The following PPARGC1A variants were observed in gnomAD, a reference collection of about 807,000 sequenced individuals.
PPARGC1A encodes the protein PPARG coactivator 1 alpha, also known as peroxisome proliferator-activated receptor gamma coactivator 1-alpha.
A neutral mutation model predicts 88.7 loss-of-function variants in PPARGC1A; 25 were observed. The ratio of observed to expected loss-of-function variants is 0.28; its 90% CI spans 0.21 to 0.39. PPARGC1A has a LOEUF of 0.39. Ranked by LOEUF, PPARGC1A falls within the 10% of genes least tolerant of loss-of-function variation. PPARGC1A has a pLI of 1.00. For synonymous variants in PPARGC1A, 363 were observed against 355.6 expected, an observed-to-expected ratio of 1.02 and a Z score of -0.24; for missense variants, 880 against 968.7, an observed-to-expected ratio of 0.91 and a Z score of 1.22.
At chr4:23,894,967 G>A (rs1163640640), upstream of PPARGC1A, among the ~76,000 whole-genome samples, 1 of 151,898 alleles carries the variant, frequency 6.6e-6, no homozygotes, top group Admixed American at 6.6e-5. Context: ...GGATTATCTA[G>A]CAATTTTTTT....
the PPARGC1A span, among the ~76,000 whole-genome samples, chr4:24,229,743 G>T: frequency 6.6e-6 from 1 of 151,712 alleles, no homozygotes; most frequent in Non-Finnish European, 1.5e-5. Context: ...TACCTGGGAG[G>T]CTGAGACAGG....
the PPARGC1A span, among the ~76,000 whole-genome samples, chr4:24,386,903 T>C: frequency 1.3e-5 from 2 of 152,126 alleles, no homozygotes; most frequent in Non-Finnish European, 2.9e-5. Flanking sequence ...TTAAATTTCA[T>C]ATGGAACCAA....
At chr4:24,431,496 C>T in the PPARGC1A span, among the ~76,000 whole-genome samples, 1 of 152,146 alleles carries the variant, frequency 6.6e-6, no homozygotes, top group Non-Finnish European at 1.5e-5. Context: ...TCATTAAAGC[C>T]TCCAAGTGGA....
At chr4:24,292,603 C>T in the PPARGC1A span, among the ~76,000 whole-genome samples, 1 of 111,848 alleles carries the variant, frequency 8.9e-6, no homozygotes, top group Non-Finnish European at 1.9e-5. Context: ...TCCCTACCCC[C>T]TCACCCTCAC....
At chr4:24,183,351 C>A in the PPARGC1A span, among the ~76,000 whole-genome samples, 4 of 152,166 alleles carry the variant, frequency 2.6e-5, no homozygotes, top group Non-Finnish European at 5.9e-5. Context: ...ACTCTAGTTA[C>A]AAGCTTGTGA....
At chr4:24,324,209 C>G in the PPARGC1A span, among the ~76,000 whole-genome samples, 1 of 144,614 alleles carries the variant, frequency 6.9e-6, no homozygotes, top group Non-Finnish European at 1.5e-5. Context: ...AGTACCCCAA[C>G]CCCTTCTCTC....
At chr4:23,919,643 A>T in the PPARGC1A span, among the ~76,000 whole-genome samples, 53 of 152,008 alleles carry the variant, frequency 3.5e-4, no homozygotes, top group Admixed American at 3.5e-3. Context: ...ATGAATGGTG[A>T]TTCTCTCCTC....
the PPARGC1A span, among the ~76,000 whole-genome samples, chr4:24,302,843 G>T: frequency 6.6e-6 from 1 of 152,202 alleles, no homozygotes; most frequent in African/African-American, 2.4e-5. Context: ...ACTGCCTGGG[G>T]ACATAGACTC....
chr4:23,951,003 G>A, the PPARGC1A span, among the ~76,000 whole-genome samples: 1 of 152,024 alleles, frequency 6.6e-6, no homozygotes, highest in Non-Finnish European at 1.5e-5. Context: ...TCTGCTTTGG[G>A]GGAAATGCAA....
At chr4:24,053,600 ATATT>A in the PPARGC1A span, among the ~76,000 whole-genome samples, 1 of 152,306 alleles carries the variant, frequency 6.6e-6, no homozygotes, top group East Asian at 1.9e-4. Context: ...TCCAAAAACT[ATATT>A]TATGGTGAAT....
the PPARGC1A span, among the ~76,000 whole-genome samples, chr4:23,994,014 CAAAG>C: frequency 5.9e-5 from 9 of 151,964 alleles, no homozygotes; most frequent in African/African-American, 1.5e-4. Flanking sequence ...TGAGGTTAAA[CAAAG>C]AAAGAATAGA....
chr4:24,209,031 C>T, the PPARGC1A span, among the ~76,000 whole-genome samples: 7 of 152,240 alleles, frequency 4.6e-5, no homozygotes, highest in South Asian at 4.2e-4. Flanking sequence ...CCACTATACC[C>T]CACAATGCAC....
the PPARGC1A span, among the ~76,000 whole-genome samples, chr4:24,077,219 T>C: frequency 6.6e-6 from 1 of 152,134 alleles, no homozygotes; most frequent in African/African-American, 2.4e-5. Context: ...GGTCTGGACC[T>C]CTTATTCCCT....
the PPARGC1A span, among the ~76,000 whole-genome samples, chr4:24,258,867 G>GA: frequency 6.6e-6 from 1 of 152,028 alleles, no homozygotes; most frequent in Middle Eastern, 3.2e-3. Context: ...TTCATGCATT[G>GA]AAAAAATAAT....
chr4:23,805,370 A>T (rs552601023), intron 10 of PPARGC1A, among the ~76,000 whole-genome samples: 2 of 152,350 alleles, frequency 1.3e-5, no homozygotes, highest in African/African-American at 4.8e-5. Flanking sequence ...TCTGAAAATC[A>T]AAGGTAGGAG....
the PPARGC1A span, among the ~76,000 whole-genome samples, chr4:24,322,882 G>A: frequency 6.6e-6 from 1 of 152,200 alleles, no homozygotes; most frequent in South Asian, 2.1e-4. Flanking sequence ...CATGTTGTAA[G>A]CACTGTACAA....
chr4:23,912,874 C>G, the PPARGC1A span, among the ~76,000 whole-genome samples: 1 of 151,460 alleles, frequency 6.6e-6, no homozygotes, highest in Non-Finnish European at 1.5e-5. Flanking sequence ...CTACAAACTC[C>G]GCTTCCTGGG....
chr4:23,922,906 C>T, the PPARGC1A span, among the ~76,000 whole-genome samples: 3 of 152,232 alleles, frequency 2.0e-5, no homozygotes, highest in African/African-American at 7.2e-5. Flanking sequence ...CAACTGGGGG[C>T]CACTGCAATG....
the PPARGC1A span, among the ~76,000 whole-genome samples, chr4:24,049,149 TGTGA>T: frequency 6.5e-4 from 98 of 150,750 alleles, no homozygotes; most frequent in Middle Eastern, 6.9e-3. Context: ...TATGTGTGTG[TGTGA>T]GTGTGTGTAA....
Sources: allele counts gnomAD v4.1 joint callset (sites outside exome capture counted in the v4.1 genomes callset), GRCh38; gene constraint gnomAD v4.1.1; transcripts MANE v1.5; gene names NCBI Gene and HGNC (gene_info 2026-07-23, HGNC 2026-07-21).